Variants in ATXN1 observed in about 807,000 individuals in gnomAD.
The protein encoded by ATXN1 is ataxin-1.
In ATXN1, 8 loss-of-function variants were observed where a neutral mutation model predicts 56.4. The observed-to-expected ratio is 0.14, with a 90% CI of 0.08 to 0.26. The LOEUF is 0.26. Ranked by LOEUF, ATXN1 falls within the 10% of genes least tolerant of loss-of-function variation. The pLI is 1.00. For missense variants in ATXN1, 987 were observed against 1,106.5 expected (o/e 0.89, Z 1.53); for synonymous variants, 514 against 494.6 (o/e 1.04, Z -0.52).
intron 6 of ATXN1, among the ~76,000 whole-genome samples, chr6:16,433,456 G>A (rs530063065): frequency 6.6e-6 from 1 of 152,292 alleles, no homozygotes; most frequent in South Asian, 2.1e-4. Context: ...GTGCTCCAAG[G>A]AGATTTTAGA....
At chr6:16,497,301 T>C (rs2113669669) in intron 5 of ATXN1, among the ~76,000 whole-genome samples, 1 of 148,418 alleles carries the variant, frequency 6.7e-6, no homozygotes, top group African/African-American at 2.5e-5. Flanking sequence ...ATAATCATAA[T>C]AAGACTGATG....
chr6:16,337,674 T>C (rs1289799682), intron 6 of ATXN1, among the ~76,000 whole-genome samples: 1 of 152,254 alleles, frequency 6.6e-6, no homozygotes, highest in African/African-American at 2.4e-5. Context: ...GCGTAGTGCA[T>C]TCCAGGTTAG....
intron 6 of ATXN1, among the ~76,000 whole-genome samples, chr6:16,420,587 G>A (rs1294581384): frequency 6.6e-6 from 1 of 152,118 alleles, no homozygotes; most frequent in Non-Finnish European, 1.5e-5. Context: ...ATAAAACTCG[G>A]AACAAAACAA....
chr6:16,497,329 AAG>A (rs1238860762), intron 5 of ATXN1, among the ~76,000 whole-genome samples: 1 of 152,134 alleles, frequency 6.6e-6, no homozygotes, highest in African/African-American at 2.4e-5. Context: ...AAAAAAAAAA[AAG>A]ATTCCCATTC....
chr6:16,673,090 TC>T (rs1043103115), intron 2 of ATXN1, among the ~76,000 whole-genome samples: 3 of 147,420 alleles, frequency 2.0e-5, no homozygotes, highest in African/African-American at 7.6e-5. Flanking sequence ...TTCTCTAGAG[TC>T]CCTACAGAGA....
rs995908074 is a variant in ATXN1, at chr6:16,380,785, A to AG, written c.-160-52316dup. ...GCATGCTGTTGAAAATGCAGATACT[A>AG]GACTCACCCTGACCCCCAAAAAACT... On this transcript the variant is annotated intron_variant, in intron 6 of 7. Coordinates refer to ENST00000436367, the MANE Select transcript of ATXN1 (RefSeq NM_001128164.2). Among the ~76,000 whole-genome samples the AG allele has an allele frequency of 3.9e-5, 6 of 152,276 alleles. 1 individual carries two copies. Among genetic ancestry groups the AG allele is most frequent in the African/African-American group, 1.4e-4 (6 of 41,552 alleles).
chr6:16,348,206 G>A (rs1053714908), intron 6 of ATXN1, among the ~76,000 whole-genome samples: 1 of 152,196 alleles, frequency 6.6e-6, no homozygotes, highest in Non-Finnish European at 1.5e-5. Context: ...TGGGATTACA[G>A]ACTTGTGCCG....
rs551846101 is a variant in ATXN1 at position 16,353,763 on chromosome 6, A to T, written c.-160-25293T>A. On this transcript the variant is annotated intron_variant, in intron 6 of 7. Coordinates refer to ENST00000436367, the MANE Select transcript of ATXN1 (RefSeq NM_001128164.2). ...AAAAACAGCTTCGTCTACGAGAATA[A>T]ATAAATAAAAACTGCTACAGGCATT... Among the ~76,000 whole-genome samples, 124 of 152,352 alleles carry T rather than the reference A, an allele frequency of 8.1e-4. 1 individual carries two copies. The highest frequency in any genetic ancestry group is 3.4e-3 in the Middle Eastern group (1 of 294).
At chr6:16,553,867 C>G (rs1242345953) in intron 4 of ATXN1, among the ~76,000 whole-genome samples, 1 of 152,172 alleles carries the variant, frequency 6.6e-6, no homozygotes, top group African/African-American at 2.4e-5. Context: ...CTTTCTCCTT[C>G]CAGAGATCCA....
chr6:16,338,332 A>G (rs561479359), intron 6 of ATXN1, among the ~76,000 whole-genome samples: 1 of 152,240 alleles, frequency 6.6e-6, no homozygotes, highest in South Asian at 2.1e-4. Flanking sequence ...TCTCTACTAA[A>G]AATACAAAAA....
chr6:16,313,640 T>C (rs572654525), intron 7 of ATXN1, among the ~76,000 whole-genome samples: 20 of 151,786 alleles, frequency 1.3e-4, no homozygotes, highest in Admixed American at 1.0e-3. Flanking sequence ...CACTGCAATC[T>C]CTGCCTCCTG....
intron 5 of ATXN1, among the ~76,000 whole-genome samples, chr6:16,515,802 G>A (rs1054810927): frequency 6.6e-6 from 1 of 152,230 alleles, no homozygotes; most frequent in African/African-American, 2.4e-5. Flanking sequence ...ATGAAAGCAT[G>A]AGAGAAGCGG....
chr6:16,300,484 A>C lies in ATXN1; in HGVS notation c.*5845T>G, dbSNP rs1760057846. On this transcript the variant is annotated 3_prime_UTR_variant, in exon 8 of 8. Transcript: ENST00000436367. ...GTGCTTAATATCCCCACAGCTGTCC[A>C]GTTTCCACTGTCCGGCTTGATTTTT... is the stretch of plus-strand genomic sequence containing the variant. 6.6e-6 allele frequency: 1 copy of C among 152,424 alleles called. No individual in the cohort carries two copies. Among genetic ancestry groups the C allele is most frequent in the Non-Finnish European group, 1.5e-5 (1 of 68,050 alleles). The allele number at this position is 152,424 out of a possible 1,614,324, so 9.4% of individuals were successfully genotyped here. A position where few individuals can be genotyped will look rare whatever the true frequency, so the allele number is the denominator to read the frequency against.
At chr6:16,321,290 T>C (rs2113398769) in intron 7 of ATXN1, among the ~76,000 whole-genome samples, 1 of 152,240 alleles carries the variant, frequency 6.6e-6, no homozygotes, top group Middle Eastern at 3.4e-3. Context: ...GGCCTCAAAC[T>C]TGGAGGATAT....
At chr6:16,702,737 T>C (rs2113439892) in intron 2 of ATXN1, among the ~76,000 whole-genome samples, 1 of 152,190 alleles carries the variant, frequency 6.6e-6, no homozygotes, top group East Asian at 1.9e-4. Flanking sequence ...AAAATGCTCA[T>C]CATCACTGGC....
intron 6 of ATXN1, among the ~76,000 whole-genome samples, chr6:16,481,605 T>G (rs1023024512): frequency 5.9e-5 from 9 of 152,154 alleles, no homozygotes; most frequent in African/African-American, 2.2e-4. Flanking sequence ...AAACCTTTAT[T>G]ATTGCTGTCC....
chr6:16,463,281 C>A (rs552284310), intron 6 of ATXN1, among the ~76,000 whole-genome samples: 1 of 152,222 alleles, frequency 6.6e-6, no homozygotes, highest in Non-Finnish European at 1.5e-5. Context: ...TCCCCACTAA[C>A]TGGACAGGCA....
chr6:16,564,554 G>A (rs1762178972), intron 4 of ATXN1, among the ~76,000 whole-genome samples: 1 of 152,214 alleles, frequency 6.6e-6, no homozygotes. Context: ...GATGTATGCT[G>A]AAATGTGGAT....
chr6:16,325,853 G>A (rs1309316020), intron 7 of ATXN1, among the ~76,000 whole-genome samples: 2 of 152,016 alleles, frequency 1.3e-5, no homozygotes, highest in Admixed American at 6.5e-5. Flanking sequence ...CTACAGCCTC[G>A]AACTCCTGGG....
Sources: allele counts gnomAD v4.1 joint callset (sites outside exome capture counted in the v4.1 genomes callset), GRCh38; gene constraint gnomAD v4.1.1; transcripts MANE v1.5; gene names NCBI Gene and HGNC (gene_info 2026-07-23, HGNC 2026-07-21).